PLBD2: variants seen among roughly 807,000 people sequenced by gnomAD.
PLBD2 encodes the protein putative aminopeptidase PLBD2.
PLBD2 carries 51 observed loss-of-function variants against 68.3 expected under a neutral mutation model. The ratio of observed to expected loss-of-function variants is 0.75; its 90% CI spans 0.60 to 0.94. The LOEUF (loss-of-function observed/expected upper bound fraction) is 0.94. Among genes scored for constraint, PLBD2 ranks in the 40% least tolerant of loss-of-function variants. The pLI is 0.00. For missense variants in PLBD2, 729 were observed against 792.2 expected (o/e 0.92, Z 0.96); for synonymous variants, 314 against 339.3 (o/e 0.93, Z 0.82).
Position 113,372,150 on chromosome 12 carries a change from C to T in PLBD2, c.385-499C>T, listed in dbSNP as rs757877061. Among the ~76,000 whole-genome samples the T allele has an allele frequency of 6.6e-6, 1 of 150,902 alleles. No homozygotes were observed. The highest frequency in any genetic ancestry group is 1.5e-5 in the Non-Finnish European group (1 of 67,928). On this transcript the variant is annotated intron_variant, in intron 2 of 11. Coordinates refer to ENST00000280800, the MANE Select transcript of PLBD2 (RefSeq NM_173542.4). The surrounding 1 kb of genome is among the most constrained non-coding windows in gnomAD (Gnocchi z 4.2). The stretch of plus-strand genomic sequence containing the variant: ...CTCACTCACGGGGATGACCAGGCTA[C>T]GTGGTCTTTTGTCCCCCAGCAGGCG...
At position 113,388,551 on chromosome 12, in the gene PLBD2, G is replaced by A. The variant is rs140299197; in HGVS notation, c.1695G>A (p.Ser565=). ...DQVPPFQWST[S]PFSGLLHMGQ... ...TGCCCCCGTTCCAGTGGAGCACCTCGCCCTTCAGCGGCCTGCTGCACATGG... is the reference window on the plus strand; with the variant it reads ...TGCCCCCGTTCCAGTGGAGCACCTCACCCTTCAGCGGCCTGCTGCACATGG... Residue 565 remains serine (S), a synonymous_variant, in exon 12 of 12, where the codon TCG becomes TCA. Transcript: ENST00000280800. The A allele has an allele frequency of 1.3e-3, 2,018 of 1,611,252 alleles. 6 individuals are homozygous for A. The highest frequency in any genetic ancestry group is 5.8e-3 in the South Asian group (523 of 90,860).
chr12:113,374,708 G>C, intron 4 of PLBD2, 85 bp from the exon 5 acceptor site: 1 of 1,532,014 alleles, frequency 6.5e-7, no homozygotes, highest in Non-Finnish European at 9.0e-7. Flanking sequence ...ACTTCCCAGA[G>C]CCTCAGCTTT....
At position 113,377,887 on chromosome 12, in the gene PLBD2, A is replaced by T. The variant is rs549948756; in HGVS notation, c.860-2858A>T. ...ACTGTATAAGTCATACAGGTATGTTATAGAACATTGGAGAATCCACCAAAA... is the reference window on the plus strand; with the variant it reads ...ACTGTATAAGTCATACAGGTATGTTTTAGAACATTGGAGAATCCACCAAAA... On this transcript the variant is annotated intron_variant, in intron 5 of 11. Coordinates refer to ENST00000280800, the MANE Select transcript of PLBD2 (RefSeq NM_173542.4). 1.1e-3 allele frequency among the ~76,000 whole-genome samples: 173 copies of T among 152,362 alleles called. 1 individual carries two copies. Among genetic ancestry groups the T allele is most frequent in the Non-Finnish European group, 2.0e-3 (139 of 68,040 alleles).
In PLBD2 at chr12:113,384,364, G is replaced by A. The variant is rs1325980049; in HGVS notation, c.1118+99G>A. 1.4e-5 allele frequency: 20 copies of A among 1,418,456 alleles called. No homozygotes were observed. In the Admixed American group the frequency reaches 4.3e-4, roughly 31 times the overall value. The allele number at this position is 1,418,456 out of a possible 1,614,324, so 87.9% of individuals were successfully genotyped here. On this transcript the variant is annotated intron_variant, in intron 7 of 11. Coordinates refer to ENST00000280800, the MANE Select transcript of PLBD2 (RefSeq NM_173542.4). This position sits in a 1 kb window ranked among gnomAD's most constrained non-coding sequence, Gnocchi z 4.2. ...CCTGGGGACCAGATGTGGCATCCGG[G>A]CCACACACCCCACGCCCTCCTTTGT...
intron 1 of PLBD2, among the ~76,000 whole-genome samples, chr12:113,364,955 A>G (rs777762006): frequency 5.3e-5 from 8 of 152,162 alleles, no homozygotes; most frequent in Non-Finnish European, 1.2e-4. Flanking sequence ...GATTCAGACC[A>G]AGTCGGAGGG....
At chr12:113,383,294 C>T (rs1957514351) in intron 6 of PLBD2, among the ~76,000 whole-genome samples, 1 of 152,032 alleles carries the variant, frequency 6.6e-6, no homozygotes, top group Non-Finnish European at 1.5e-5. Flanking sequence ...GGGAGGTTGC[C>T]CAGCTTGGTG....
rs190967179 is a variant in PLBD2 at position 113,383,837 on chromosome 12, A to G, written c.958-268A>G. 1.3e-4 allele frequency among the ~76,000 whole-genome samples: 19 copies of G among 151,630 alleles called. No individual in the cohort carries two copies. In the East Asian group the frequency reaches 3.8e-3, roughly 30 times the overall value. On this transcript the variant is annotated intron_variant, in intron 6 of 11. Coordinates refer to ENST00000280800, the MANE Select transcript of PLBD2 (RefSeq NM_173542.4). ...AACATGGAGAAACCCTGCCTCTACT[A>G]AAAATACAAAAGTTAGCCAGGCGTG...
chr12:113,374,818 G>A lies in PLBD2; in HGVS notation c.670G>A (p.Glu224Lys), dbSNP rs1396285178. Reference sequence around the variant, plus strand: ...CCTGCTGCAGCTCTCTGGGGACCTGGAAGACCTGGAGCTGGCCCTGAACAA... The same window carrying A: ...CCTGCTGCAGCTCTCTGGGGACCTGAAAGACCTGGAGCTGGCCCTGAACAA... ...FLLLQLSGDL[E>K]DLELALNKTK... The change falls in exon 5 of 12, where the codon GAA (glutamate) becomes AAA (lysine). Residue 224 changes from glutamate to lysine, a missense_variant. Coordinates refer to ENST00000280800, the MANE Select transcript of PLBD2 (RefSeq NM_173542.4). The A allele has an allele frequency of 6.2e-7, 1 of 1,613,658 alleles. No individual in the cohort carries two copies. The highest frequency in any genetic ancestry group is 8.5e-7 in the Non-Finnish European group (1 of 1,180,036).
chr12:113,380,557 T>C (rs1957478534), intron 5 of PLBD2, among the ~76,000 whole-genome samples, 188 bp from the exon 6 acceptor site: 1 of 152,248 alleles, frequency 6.6e-6, no homozygotes, highest in Non-Finnish European at 1.5e-5. Flanking sequence ...CTAGCTTTTA[T>C]TTTTACTTGC....
chr12:113,373,642 A>G (rs1002713716), intron 3 of PLBD2, among the ~76,000 whole-genome samples: 4 of 149,616 alleles, frequency 2.7e-5, no homozygotes, highest in African/African-American at 9.9e-5. Context: ...CTATCCATCT[A>G]TTCACTCACT....
rs1247050112 is a variant in PLBD2, at chr12:113,374,538, C to A, written c.608C>A (p.Pro203Gln). ...AGCTACGAAGGCCGTGTGAGCTTCC[C>A]AGCTGGGAAGTTCACCATCAAACCC... ...EDSYEGRVSFPAGKFTIKPLG... is the reference protein window; with the variant it reads ...EDSYEGRVSFQAGKFTIKPLG... Residue 203 changes from proline to glutamine, a missense_variant, in exon 4 of 12, where the codon CCA becomes CAA. Pro to Gln is a moderately conservative substitution (Grantham distance 76, BLOSUM62 -1). Transcript: ENST00000280800. 6.2e-7 allele frequency: 1 copy of A among 1,605,678 alleles called. No individual in the cohort carries two copies. Among genetic ancestry groups the A allele is most frequent in the Non-Finnish European group, 8.5e-7 (1 of 1,176,504 alleles).
At position 113,375,210 on chromosome 12, in the gene PLBD2, G is replaced by A. The variant is rs192490129; in HGVS notation, c.859+203G>A. On this transcript the variant is annotated intron_variant, in intron 5 of 11. Transcript: ENST00000280800. ...GCCCAGGCTGGAGTACAGTGGCACA[G>A]TCATGGCTCACTGTAGCCTTGACTT... 578 of 587,828 alleles carry A rather than the reference G, an allele frequency of 9.8e-4. 1 individual carries two copies. The highest frequency in any genetic ancestry group is 2.3e-3 in the Admixed American group (77 of 33,276). The allele number at this position is 587,828 out of a possible 1,614,324, so 36.4% of individuals were successfully genotyped here. A position where few individuals can be genotyped will look rare whatever the true frequency, so the allele number is the denominator to read the frequency against.
chr12:113,372,555 C>A lies in PLBD2; in HGVS notation c.385-94C>A. On this transcript the variant is annotated intron_variant, in intron 2 of 11. Transcript: ENST00000280800. This position sits in a 1 kb window ranked among gnomAD's most constrained non-coding sequence, Gnocchi z 4.2. ...GCAAGGACTCAGGTGGCCACACCAG[C>A]AGCCTCCGCTCTGGGGCAGCCTGGG... 1.5e-6 allele frequency: 2 copies of A among 1,369,968 alleles called. No individual in the cohort carries two copies. Among genetic ancestry groups the A allele is most frequent in the South Asian group, 1.3e-5 (1 of 76,814 alleles). 84.9% of individuals were successfully genotyped at this position (1,369,968 alleles called of 1,614,324 possible). A position where few individuals can be genotyped will look rare whatever the true frequency, so the allele number is the denominator to read the frequency against.
Position 113,372,920 on chromosome 12 carries a change from T to A in PLBD2, c.543+113T>A, listed in dbSNP as rs1323000632. On this transcript the variant is annotated intron_variant, in intron 3 of 11. Coordinates refer to ENST00000280800, the MANE Select transcript of PLBD2 (RefSeq NM_173542.4). The surrounding 1 kb of genome is among the most constrained non-coding windows in gnomAD (Gnocchi z 4.2). ...GTCCAGCTGCCCAGCCGCCTCTGTT[T>A]CCATCATCATCTCCATCCCTCCTAG... is the stretch of plus-strand genomic sequence containing the variant. The A allele has an allele frequency of 8.2e-7, 1 of 1,221,002 alleles. No homozygotes were observed. The highest frequency in any genetic ancestry group is 1.5e-5 in the African/African-American group (1 of 66,406). 75.6% of individuals were successfully genotyped at this position (1,221,002 alleles called of 1,614,324 possible). A position where few individuals can be genotyped will look rare whatever the true frequency, so the allele number is the denominator to read the frequency against.
intron 6 of PLBD2, among the ~76,000 whole-genome samples, chr12:113,382,868 T>TGTGTGTGTGTG (rs1491184280): frequency 1.0e-3 from 86 of 83,426 alleles, no homozygotes; most frequent in Non-Finnish European, 1.5e-3. Context: ...TGTGTGTGTG[T>TGTGTGTGTGTG]TTTTTTTTTT....
intron 1 of PLBD2, among the ~76,000 whole-genome samples, chr12:113,364,470 C>CTT (rs71086159): frequency 1.4e-5 from 2 of 143,958 alleles, no homozygotes; most frequent in Non-Finnish European, 3.1e-5. Context: ...CCCTCAGATT[C>CTT]TTTTTTTTTT....
chr12:113,359,261 C>G, intron 1 of PLBD2: 1 of 202,796 alleles, frequency 4.9e-6, no homozygotes, highest in East Asian at 1.3e-4. Context: ...CCTCCTCACC[C>G]CATGGAGGCC....
At chr12:113,388,393 A>G in intron 11 of PLBD2, 66 bp from the exon 12 acceptor site, 1 of 1,428,494 alleles carries the variant, frequency 7.0e-7, no homozygotes, top group Non-Finnish European at 9.2e-7. Context: ...TCAGGGTGGG[A>G]GGCTGGGTGC....
At position 113,384,222 on chromosome 12, in the gene PLBD2, G is replaced by A. The variant is rs1193648882; in HGVS notation, c.1075G>A (p.Gly359Arg). 1.2e-6 allele frequency: 2 copies of A among 1,613,674 alleles called. No homozygotes were observed. Among genetic ancestry groups the A allele is most frequent in the African/African-American group, 2.7e-5 (2 of 74,894 alleles). Residue 359 changes from glycine (G) to arginine (R), a missense_variant, in exon 7 of 12, where the codon GGG becomes AGG. Coordinates refer to ENST00000280800, the MANE Select transcript of PLBD2 (RefSeq NM_173542.4). The surrounding 1 kb of genome is among the most constrained non-coding windows in gnomAD (Gnocchi z 4.2). ...NIVANRLASD[G>R]ATWADIFKRF... ...CGTGGCCAACCGCCTGGCCTCGGAT[G>A]GGGCCACCTGGGCAGACATCTTCAA...
Sources: gnomAD v4.1 joint callset for allele counts (sites outside exome capture counted in the v4.1 genomes callset) on GRCh38, gnomAD v4.1.1 for gene constraint, Gnocchi (gnomAD v3.1) non-coding constraint, MANE v1.5 for transcripts, NCBI Gene and HGNC (gene_info 2026-07-23, HGNC 2026-07-21) for gene names.